The following CLIC2 variants were observed in gnomAD, a reference collection of about 807,000 sequenced individuals.
CLIC2 encodes the protein chloride intracellular channel protein 2.
A neutral mutation model predicts 14.8 loss-of-function variants in CLIC2; 9 were observed. The observed-to-expected ratio is 0.61, with a 90% CI of 0.37 to 1.06. CLIC2 has a LOEUF of 1.06. Ranked by LOEUF, CLIC2 falls within the 50% of genes least tolerant of loss-of-function variation. The pLI is 0.01. For synonymous variants in CLIC2, 61 were observed against 66.3 expected, an observed-to-expected ratio of 0.92 and a Z score of 0.39; for missense variants, 148 against 181.4, an observed-to-expected ratio of 0.82 and a Z score of 1.06.
At chrX:155,291,254 T>A (rs1557317583) in intron 3 of CLIC2, 8 of 935,421 alleles carry the variant, frequency 8.6e-6, no homozygotes, top group Non-Finnish European at 1.2e-5. Context: ...GCTGACTATA[T>A]ATGATCCAAT....
chrX:155,325,761 G>GAGAT (rs1557322248), intron 1 of CLIC2, among the ~76,000 whole-genome samples: 2 of 32,846 alleles, frequency 6.1e-5, no homozygotes, highest in African/African-American at 1.1e-4. Flanking sequence ...AAGAAAATGT[G>GAGAT]ATATATATAT....
intron 1 of CLIC2, among the ~76,000 whole-genome samples, chrX:155,320,011 T>C (rs1557321457): frequency 8.9e-6 from 1 of 112,493 alleles, no homozygotes; most frequent in Non-Finnish European, 1.9e-5. Flanking sequence ...CCTCTCTAGA[T>C]TCCTCCCTCT....
intron 1 of CLIC2, among the ~76,000 whole-genome samples, chrX:155,313,161 T>G (rs1602953994): frequency 1.3e-5 from 1 of 76,881 alleles, no homozygotes. Context: ...CAGCCCAGGA[T>G]ACATAGCAAA....
intron 3 of CLIC2, among the ~76,000 whole-genome samples, chrX:155,288,870 C>A (rs1479436912): frequency 9.0e-6 from 1 of 111,060 alleles, no homozygotes; most frequent in African/African-American, 3.3e-5. Flanking sequence ...TTTGGCCGGG[C>A]GCAGTGGCTC....
chrX:155,305,430 G>A (rs1365546678), intron 1 of CLIC2, among the ~76,000 whole-genome samples: 7 of 112,325 alleles, frequency 6.2e-5, no homozygotes, highest in Admixed American at 1.9e-4. Flanking sequence ...GCCCTGCTTC[G>A]GCTCGCGCAC....
chrX:155,321,060 T>C (rs1473531490), intron 1 of CLIC2, among the ~76,000 whole-genome samples: 3 of 111,268 alleles, frequency 2.7e-5, no homozygotes, highest in African/African-American at 9.8e-5. Flanking sequence ...AATATAGGAC[T>C]ATGTGAAAAG....
intron 1 of CLIC2, among the ~76,000 whole-genome samples, chrX:155,324,939 A>T (rs1402396093): frequency 1.8e-5 from 2 of 112,085 alleles, no homozygotes; most frequent in Admixed American, 9.4e-5. Flanking sequence ...CAACCCCATC[A>T]AAAAGTGGGT....
At position 155,277,077 on chromosome X, in the gene CLIC2, G is replaced by C. The variant is rs991630929; in HGVS notation, c.*826C>G. ...TAACAAGTGAATCTGAATACGTATA[G>C]TAATGTAACATTTTAACTTTTGTAG... On this transcript the variant is annotated 3_prime_UTR_variant, in exon 6 of 6. Transcript: ENST00000369449. The C allele has an allele frequency of 8.9e-6, 1 of 112,175 alleles. No homozygotes were observed. Among genetic ancestry groups the C allele is most frequent in the Non-Finnish European group, 1.9e-5 (1 of 53,191 alleles). 9.2% of individuals were successfully genotyped at this position (112,175 alleles called of 1,213,427 possible).
At chrX:155,281,926 C>T (rs1557316534) in intron 3 of CLIC2, among the ~76,000 whole-genome samples, 1 of 111,345 alleles carries the variant, frequency 9.0e-6, no homozygotes, top group Non-Finnish European at 1.9e-5. Context: ...CTATTAACCA[C>T]CCAGAAGCCA....
In CLIC2 at chrX:155,334,326, A is replaced by T. The variant is rs782572684; in HGVS notation, c.57+45T>A. The T allele has an allele frequency of 2.0e-4, 209 of 1,045,757 alleles. 2 individuals carry two copies. The highest frequency in any genetic ancestry group is 1.2e-4 in the Non-Finnish European group (90 of 746,333). The allele number at this position is 1,045,757 out of a possible 1,213,427, so 86.2% of individuals were successfully genotyped here. ...TAAAGACATTGGACTTCAGTGTCAA[A>T]AACTAATATATTCTACATGCAGTTA... On this transcript the variant is annotated intron_variant, in intron 1 of 5. Transcript: ENST00000369449.
chrX:155,334,189 T>C (rs1407165785), intron 1 of CLIC2, among the ~76,000 whole-genome samples, 182 bp downstream of exon 1: 1 of 111,634 alleles, frequency 9.0e-6, no homozygotes, highest in African/African-American at 3.3e-5. Flanking sequence ...AGAGATCTGT[T>C]TTCCTGTTGT....
At chrX:155,297,686 CA>C (rs1325026248) in intron 3 of CLIC2, among the ~76,000 whole-genome samples, 2,532 of 52,138 alleles carry the variant, frequency 0.049, 101 homozygotes, top group African/African-American at 0.14. Flanking sequence ...ACTAAAATTA[CA>C]AAAAAAAAAA....
chrX:155,291,421 A>G (rs190974430), intron 3 of CLIC2: 2 of 494,888 alleles, frequency 4.0e-6, no homozygotes, highest in African/African-American at 4.7e-5. Context: ...AGTGCAGCCG[A>G]GTATGGGGTT....
intron 1 of CLIC2, among the ~76,000 whole-genome samples, chrX:155,303,541 C>A (rs2075030242): frequency 1.2e-5 from 1 of 85,061 alleles, no homozygotes; most frequent in African/African-American, 4.3e-5. Context: ...TCCAATTTGC[C>A]AGTCTGTGTC....
chrX:155,308,972 A>G (rs2124194938), intron 1 of CLIC2, among the ~76,000 whole-genome samples: 1 of 112,296 alleles, frequency 8.9e-6, no homozygotes, highest in Non-Finnish European at 1.9e-5. Context: ...ACCAGAAGGC[A>G]TAAAACTCAC....
chrX:155,322,444 T>A (rs1405348208), intron 1 of CLIC2, among the ~76,000 whole-genome samples: 6 of 111,844 alleles, frequency 5.4e-5, no homozygotes, highest in Non-Finnish European at 7.5e-5. Flanking sequence ...GAACAACTGC[T>A]CCTGAATGAC....
At chrX:155,327,481 CTAAAA>C (rs1291117197) in intron 1 of CLIC2, among the ~76,000 whole-genome samples, 1 of 110,540 alleles carries the variant, frequency 9.0e-6, no homozygotes, top group Non-Finnish European at 1.9e-5. Context: ...ATTTATGTAA[CTAAAA>C]TAAAATAAAG....
rs2074902012 is a variant in CLIC2, at chrX:155,277,269, T to C, written c.*634A>G. ...TTAAAATTATGTTTTATTTAATGAG[T>C]GCTTCTTCATTTAAAAATAATATAA... On this transcript the variant is annotated 3_prime_UTR_variant, in exon 6 of 6. Coordinates refer to ENST00000369449, the MANE Select transcript of CLIC2 (RefSeq NM_001289.6). 1 of 111,565 alleles carries C rather than the reference T, an allele frequency of 9.0e-6. No homozygotes were observed. The highest frequency in any genetic ancestry group is 9.6e-5 in the Admixed American group (1 of 10,448). The allele number at this position is 111,565 out of a possible 1,213,427, so 9.2% of individuals were successfully genotyped here.
At chrX:155,297,884 A>AAAAAAAAAAAAAAGAAG (rs1557318527) in intron 3 of CLIC2, among the ~76,000 whole-genome samples, 24 of 45,228 alleles carry the variant, frequency 5.3e-4, no homozygotes, top group Non-Finnish European at 9.2e-4. Context: ...AAAAAAAAAA[A>AAAAAAAAAAAAAAGAAG]AAGAAGGTGA....
Sources: gnomAD v4.1 joint callset for allele counts (sites outside exome capture counted in the v4.1 genomes callset) on GRCh38, gnomAD v4.1.1 for gene constraint, MANE v1.5 for transcripts, NCBI Gene and HGNC (gene_info 2026-07-23, HGNC 2026-07-21) for gene names.